Variants in ASAP1 observed in about 807,000 individuals in gnomAD.
ASAP1 encodes arf-GAP with SH3 domain, ANK repeat and PH domain-containing protein 1.
ASAP1 carries 43 observed loss-of-function variants against 145.2 expected under a neutral mutation model. That is an observed-to-expected ratio of 0.30 (90% CI 0.23 to 0.38). The LOEUF (loss-of-function observed/expected upper bound fraction) is 0.38. Ranked by LOEUF, ASAP1 falls within the 10% of genes least tolerant of loss-of-function variation. The probability of loss-of-function intolerance (pLI) is 1.00; values close to 1 mark genes in which losing one functional copy is unlikely to be tolerated. For synonymous variants in ASAP1, 546 were observed against 515.5 expected (o/e 1.06, Z -0.80); for missense variants, 1,018 against 1,355.3 (o/e 0.75, Z 3.91).
chr8:130,122,993 T>C (rs1302490424), intron 18 of ASAP1, among the ~76,000 whole-genome samples: 1 of 152,240 alleles, frequency 6.6e-6, no homozygotes, highest in Non-Finnish European at 1.5e-5. Flanking sequence ...AAAGTAAAAC[T>C]TAGGTCTTAT....
chr8:130,282,740 T>G (rs575990912), intron 3 of ASAP1, among the ~76,000 whole-genome samples: 1 of 152,326 alleles, frequency 6.6e-6, no homozygotes, highest in South Asian at 2.1e-4. Flanking sequence ...TCATAAAAAT[T>G]ACACAAATAA....
intron 27 of ASAP1, among the ~76,000 whole-genome samples, chr8:130,068,893 G>A (rs2097435891): frequency 1.3e-5 from 2 of 152,132 alleles, no homozygotes; most frequent in Non-Finnish European, 2.9e-5. Flanking sequence ...CCTTCTACAT[G>A]GGCACCCCAT....
intron 13 of ASAP1, among the ~76,000 whole-genome samples, chr8:130,144,952 C>A (rs1429028266): frequency 3.3e-5 from 5 of 152,114 alleles, no homozygotes; most frequent in African/African-American, 1.2e-4. Context: ...GAATCGGTTA[C>A]CTTACTTTTG....
intron 9 of ASAP1, among the ~76,000 whole-genome samples, chr8:130,178,305 C>T (rs16904212): frequency 0.18 from 27,674 of 152,092 alleles, 3,028 homozygotes; most frequent in East Asian, 0.43. Flanking sequence ...CTAATACAGA[C>T]TTTACTTTTC....
At chr8:130,218,091 C>T (rs116408528) in intron 4 of ASAP1, among the ~76,000 whole-genome samples, 148 of 152,206 alleles carry the variant, frequency 9.7e-4, no homozygotes, top group African/African-American at 3.3e-3. Flanking sequence ...AAAGGCCACA[C>T]GAGCTCAACC....
intron 24 of ASAP1, among the ~76,000 whole-genome samples, chr8:130,107,520 ATGTATGTATGTATGT>A (rs1564966079): frequency 0.039 from 877 of 22,656 alleles, 10 homozygotes; most frequent in South Asian, 0.21. Context: ...TAAAAAATGT[ATGTATGTATGTATGT>A]ATGTATGTAT....
chr8:130,257,350 C>T (rs1819625994), intron 3 of ASAP1, among the ~76,000 whole-genome samples: 1 of 152,092 alleles, frequency 6.6e-6, no homozygotes, highest in Non-Finnish European at 1.5e-5. Flanking sequence ...CCACTAAGAA[C>T]AAACAAGTAG....
intron 3 of ASAP1, among the ~76,000 whole-genome samples, chr8:130,321,561 GTGCA>G (rs1824007249): frequency 6.6e-6 from 1 of 152,084 alleles, no homozygotes; most frequent in Admixed American, 6.6e-5. Flanking sequence ...AAGTCAGGGG[GTGCA>G]TCCTAAAGCA....
At chr8:130,073,742 G>T (rs893309938) in intron 27 of ASAP1, among the ~76,000 whole-genome samples, 3 of 152,164 alleles carry the variant, frequency 2.0e-5, no homozygotes, top group African/African-American at 7.2e-5. Flanking sequence ...AGAGAGGATG[G>T]ATGGATCAAT....
At chr8:130,336,722 C>A (rs2137860310) in intron 3 of ASAP1, among the ~76,000 whole-genome samples, 1 of 152,292 alleles carries the variant, frequency 6.6e-6, no homozygotes, top group African/African-American at 2.4e-5. Flanking sequence ...TGACAGTCTT[C>A]ATTTTGACAT....
intron 2 of ASAP1, among the ~76,000 whole-genome samples, chr8:130,374,173 T>G (rs1827366939): frequency 6.6e-6 from 1 of 152,122 alleles, no homozygotes; most frequent in Non-Finnish European, 1.5e-5. Context: ...TAGACATACT[T>G]TCCTCATCTC....
At chr8:130,330,758 T>A (rs1411863757) in intron 3 of ASAP1, among the ~76,000 whole-genome samples, 1 of 152,236 alleles carries the variant, frequency 6.6e-6, no homozygotes, top group Non-Finnish European at 1.5e-5. Flanking sequence ...GGTTCTATCA[T>A]TTATCTTTTG....
intron 3 of ASAP1, among the ~76,000 whole-genome samples, chr8:130,250,463 A>G (rs1278561858): frequency 6.6e-6 from 1 of 152,096 alleles, no homozygotes; most frequent in Non-Finnish European, 1.5e-5. Flanking sequence ...AGCTTACTAT[A>G]GTTGCTTCAT....
At chr8:130,274,191 C>A (rs1820746258) in intron 3 of ASAP1, among the ~76,000 whole-genome samples, 1 of 152,140 alleles carries the variant, frequency 6.6e-6, no homozygotes, top group Non-Finnish European at 1.5e-5. Context: ...TGGGGAAGTA[C>A]CAACTCAAAA....
intron 3 of ASAP1, among the ~76,000 whole-genome samples, chr8:130,303,105 G>A (rs1822778488): frequency 6.6e-6 from 1 of 152,172 alleles, no homozygotes; most frequent in Non-Finnish European, 1.5e-5. Context: ...GCTGAGCCTG[G>A]AGACAGAGGC....
intron 1 of ASAP1, among the ~76,000 whole-genome samples, chr8:130,410,028 G>A (rs1162674785): frequency 6.6e-6 from 1 of 152,180 alleles, no homozygotes; most frequent in Non-Finnish European, 1.5e-5. Flanking sequence ...AATGTCATAG[G>A]ACCTGCCTTC....
chr8:130,370,326 A>AAAC (rs1565256267), intron 2 of ASAP1, among the ~76,000 whole-genome samples: 13 of 151,858 alleles, frequency 8.6e-5, no homozygotes, highest in Non-Finnish European at 1.5e-4. Context: ...AACAAACAAA[A>AAAC]AAAACAGAGA....
intron 18 of ASAP1, among the ~76,000 whole-genome samples, chr8:130,120,350 T>G (rs1335711218): frequency 6.6e-6 from 1 of 152,242 alleles, no homozygotes; most frequent in East Asian, 1.9e-4. Context: ...ATCGCTCGAT[T>G]CAAGTCTGAG....
chr8:130,297,726 G>A (rs540944761), intron 3 of ASAP1, among the ~76,000 whole-genome samples: 4 of 152,202 alleles, frequency 2.6e-5, no homozygotes, highest in African/African-American at 9.7e-5. Context: ...AACAAAGCGG[G>A]GGGGCGGGGA....
Sources: gnomAD v4.1 joint callset for allele counts (sites outside exome capture counted in the v4.1 genomes callset) on GRCh38, gnomAD v4.1.1 for gene constraint, MANE v1.5 for transcripts, NCBI Gene and HGNC (gene_info 2026-07-23, HGNC 2026-07-21) for gene names.